The following FBN2 variants were observed in gnomAD, a reference collection of about 807,000 sequenced individuals.
FBN2 encodes the protein fibrillin-2.
FBN2 carries 105 observed loss-of-function variants against 355.6 expected under a neutral mutation model. That is an observed-to-expected ratio of 0.30 (90% confidence interval 0.25 to 0.35). The LOEUF is 0.35. Ranked by LOEUF, FBN2 falls within the 10% of genes least tolerant of loss-of-function variation. The pLI, the probability that FBN2 is intolerant of heterozygous loss-of-function variation, is 1.00. For missense variants in FBN2, 3,280 were observed against 3,758.7 expected (o/e 0.87, Z 3.33); for synonymous variants, 1,350 against 1,301.2 (o/e 1.04, Z -0.81).
At chr5:128,450,812 A>G (rs1311183543) in intron 6 of FBN2, among the ~76,000 whole-genome samples, 1 of 152,128 alleles carries the variant, frequency 6.6e-6, no homozygotes, top group Non-Finnish European at 1.5e-5. Flanking sequence ...ATTTACACAA[A>G]TTTGTTACAC....
chr5:128,296,371 T>A (rs1195842983), intron 48 of FBN2, among the ~76,000 whole-genome samples: 1 of 152,066 alleles, frequency 6.6e-6, no homozygotes, highest in African/African-American at 2.4e-5. Flanking sequence ...TAGGGAGGAT[T>A]CCCTCTTTTT....
At chr5:128,531,562 A>G (rs917312294) in intron 2 of FBN2, among the ~76,000 whole-genome samples, 1 of 152,284 alleles carries the variant, frequency 6.6e-6, no homozygotes, top group Non-Finnish European at 1.5e-5. Context: ...TTATGGAAAA[A>G]TAGAAACAAA....
At chr5:128,359,261 A>G (rs1161719437) in intron 19 of FBN2, among the ~76,000 whole-genome samples, 1 of 152,100 alleles carries the variant, frequency 6.6e-6, no homozygotes, top group African/African-American at 2.4e-5. Context: ...CACAAGACAA[A>G]TATACAAGAA....
At chr5:128,481,259 G>A (rs1166178827) in intron 5 of FBN2, among the ~76,000 whole-genome samples, 7 of 152,124 alleles carry the variant, frequency 4.6e-5, no homozygotes, top group Admixed American at 6.5e-5. Flanking sequence ...CAGTTCTGTG[G>A]TCTGTAAAAG....
chr5:128,335,679 C>A (rs908095804), intron 28 of FBN2, 102 bp from the exon 29 acceptor site: 4 of 1,372,066 alleles, frequency 2.9e-6, no homozygotes, highest in African/African-American at 1.4e-5. Context: ...AATTTTTCTC[C>A]CCACTATGTG....
intron 5 of FBN2, among the ~76,000 whole-genome samples, chr5:128,499,972 A>C (rs1017711812): frequency 2.0e-5 from 3 of 152,194 alleles, no homozygotes; most frequent in African/African-American, 7.2e-5. Flanking sequence ...TAATTCGCAG[A>C]AGATGAGGCA....
chr5:128,531,722 G>GTATATATATA, intron 2 of FBN2, among the ~76,000 whole-genome samples: 1 of 116,866 alleles, frequency 8.6e-6, no homozygotes, highest in East Asian at 2.2e-4. Flanking sequence ...ATGTATGTGT[G>GTATATATATA]TATATATATA....
intron 26 of FBN2, 121 bp from the exon 27 acceptor site, chr5:128,338,243 C>CTGT (rs1750899017): frequency 4.0e-6 from 4 of 989,348 alleles, no homozygotes; most frequent in Admixed American, 4.0e-5. Context: ...AGAGATGCTT[C>CTGT]ATAGGAGATG....
At chr5:128,311,996 A>G (rs1399137251) in intron 37 of FBN2, 43 bp from the exon 38 acceptor site, 1 of 1,365,916 alleles carries the variant, frequency 7.3e-7, no homozygotes, top group South Asian at 1.2e-5. Flanking sequence ...ACCTGTGTCC[A>G]AGTGGCTGAG....
chr5:128,371,564 T>C (rs895417812), intron 15 of FBN2, among the ~76,000 whole-genome samples: 3 of 142,122 alleles, frequency 2.1e-5, no homozygotes, highest in African/African-American at 7.6e-5. Flanking sequence ...AGTCTCGCTC[T>C]GTCGCCCAGG....
chr5:128,353,152 A>G (rs1236961605), intron 20 of FBN2, among the ~76,000 whole-genome samples: 1 of 151,940 alleles, frequency 6.6e-6, no homozygotes, highest in Non-Finnish European at 1.5e-5. Context: ...TGGGTGACAC[A>G]GTGAGACCCT....
intron 19 of FBN2, among the ~76,000 whole-genome samples, chr5:128,361,298 T>C (rs1291687596): frequency 1.3e-5 from 2 of 152,214 alleles, no homozygotes; most frequent in Non-Finnish European, 2.9e-5. Flanking sequence ...GCTGACTTCT[T>C]GGGTATATCA....
intron 63 of FBN2, among the ~76,000 whole-genome samples, chr5:128,262,474 A>G (rs1417187130): frequency 6.6e-6 from 1 of 152,216 alleles, no homozygotes; most frequent in African/African-American, 2.4e-5. Flanking sequence ...AGTACTGAGC[A>G]TAATTAACTC....
At chr5:128,432,177 T>A (rs890188519) in intron 7 of FBN2, among the ~76,000 whole-genome samples, 4 of 152,210 alleles carry the variant, frequency 2.6e-5, no homozygotes, top group African/African-American at 9.6e-5. Flanking sequence ...TTTGGGATAA[T>A]CAATAATATT....
At chr5:128,525,257 A>T (rs1290754192) in intron 4 of FBN2, among the ~76,000 whole-genome samples, 1 of 152,190 alleles carries the variant, frequency 6.6e-6, no homozygotes, top group Non-Finnish European at 1.5e-5. Context: ...GTGTTTCAAC[A>T]AGGATAGATG....
chr5:128,498,940 T>G (rs914136543), intron 5 of FBN2, among the ~76,000 whole-genome samples: 2 of 152,212 alleles, frequency 1.3e-5, no homozygotes, highest in Non-Finnish European at 2.9e-5. Flanking sequence ...TCCCATTCAT[T>G]TACAAGTCAT....
At chr5:128,296,753 G>A (rs532941876) in intron 48 of FBN2, among the ~76,000 whole-genome samples, 6,472 of 152,102 alleles carry the variant, frequency 0.043, 431 homozygotes, top group African/African-American at 0.14. Flanking sequence ...TCTTGCTAGT[G>A]GTCTATCAAT....
intron 7 of FBN2, among the ~76,000 whole-genome samples, chr5:128,425,728 T>C (rs1240132581): frequency 2.0e-5 from 3 of 152,178 alleles, no homozygotes; most frequent in African/African-American, 7.2e-5. Flanking sequence ...ATCATATAAA[T>C]GAGCATTAGC....
At chr5:128,325,173 G>C (rs1261427267) in intron 34 of FBN2, among the ~76,000 whole-genome samples, 1 of 152,086 alleles carries the variant, frequency 6.6e-6, no homozygotes, top group Non-Finnish European at 1.5e-5. Context: ...TTTATTTTCT[G>C]TCTCGTTGAT....
Sources: allele counts gnomAD v4.1 joint callset (sites outside exome capture counted in the v4.1 genomes callset), GRCh38; gene constraint gnomAD v4.1.1; transcripts MANE v1.5; gene names NCBI Gene and HGNC (gene_info 2026-07-23, HGNC 2026-07-21).